Variants in OPCML observed in about 807,000 individuals in gnomAD.
The protein encoded by OPCML is opioid binding protein/cell adhesion molecule like, also known as opioid-binding protein/cell adhesion molecule.
OPCML carries 13 observed loss-of-function variants against 37.8 expected under a neutral mutation model. That is an observed-to-expected ratio of 0.34 (90% CI 0.22 to 0.55). The LOEUF is 0.55. Among genes scored for constraint, OPCML ranks in the 20% least tolerant of loss-of-function variants. The pLI, the probability that OPCML is intolerant of heterozygous loss-of-function variation, is 0.91. For synonymous variants in OPCML, 176 were observed against 168.8 expected (o/e 1.04, Z -0.33); for missense variants, 341 against 435.6 (o/e 0.78, Z 1.93).
intron 1 of OPCML, among the ~76,000 whole-genome samples, chr11:133,135,840 T>A (rs1949681219): frequency 6.6e-6 from 1 of 152,172 alleles, no homozygotes; most frequent in Non-Finnish European, 1.5e-5. Flanking sequence ...CTTTATTTTA[T>A]TTAGGAAAGG....
In OPCML at chr11:133,164,288, T is replaced by C. The variant is rs530043730; in HGVS notation, c.62-221278A>G. 6.6e-5 allele frequency among the ~76,000 whole-genome samples: 10 copies of C among 152,288 alleles called. No homozygotes were observed. The East Asian group carries it at 1.5e-3, about 23-fold the overall frequency. On this transcript the variant is annotated intron_variant, in intron 1 of 7. Coordinates refer to ENST00000524381, the MANE Select transcript of OPCML (RefSeq NM_001012393.5). ...CTTGTTTCCCAACACACCCACCCTTTCCTTATCTGTAGAATGGAAACTATG... is the reference window on the plus strand; with the variant it reads ...CTTGTTTCCCAACACACCCACCCTTCCCTTATCTGTAGAATGGAAACTATG...
At chr11:132,917,572 A>G (rs1482594629) in intron 2 of OPCML, among the ~76,000 whole-genome samples, 1 of 152,198 alleles carries the variant, frequency 6.6e-6, no homozygotes, top group Non-Finnish European at 1.5e-5. Flanking sequence ...TGGGGAAAGA[A>G]GAAAATTAAC....
intron 1 of OPCML, among the ~76,000 whole-genome samples, chr11:133,232,353 C>T (rs565584340): frequency 6.6e-6 from 1 of 152,146 alleles, no homozygotes; most frequent in East Asian, 1.9e-4. Flanking sequence ...CTGAGTTTCT[C>T]AAAGAGGTAA....
At chr11:132,723,293 T>A (rs777570339) in intron 2 of OPCML, among the ~76,000 whole-genome samples, 1 of 152,230 alleles carries the variant, frequency 6.6e-6, no homozygotes, top group Non-Finnish European at 1.5e-5. Context: ...ATATGGTGTG[T>A]TCTTGCATAA....
At chr11:132,594,318 A>C (rs954727216) in intron 3 of OPCML, among the ~76,000 whole-genome samples, 3 of 152,198 alleles carry the variant, frequency 2.0e-5, no homozygotes, top group African/African-American at 4.8e-5. Context: ...AAATAATAAC[A>C]TGCAGTCCTG....
intron 1 of OPCML, among the ~76,000 whole-genome samples, chr11:133,405,438 T>TTTTGTATG (rs571325295): frequency 5.5e-4 from 84 of 152,320 alleles, no homozygotes; most frequent in African/African-American, 1.9e-3. Context: ...ATTTGGGAGT[T>TTTTGTATG]TTTGTGATCT....
intron 1 of OPCML, among the ~76,000 whole-genome samples, chr11:133,505,599 C>T (rs1324488767): frequency 6.6e-6 from 1 of 152,222 alleles, no homozygotes; most frequent in African/African-American, 2.4e-5. Context: ...CTGGTCTCAG[C>T]CTCACATTTT....
At chr11:132,606,948 G>A (rs1056084594) in intron 3 of OPCML, among the ~76,000 whole-genome samples, 2 of 152,076 alleles carry the variant, frequency 1.3e-5, no homozygotes, top group Admixed American at 6.5e-5. Context: ...GCTTCCCAGG[G>A]GTTTCTGTCT....
At chr11:132,766,385 C>T (rs1946444169) in intron 2 of OPCML, among the ~76,000 whole-genome samples, 1 of 152,138 alleles carries the variant, frequency 6.6e-6, no homozygotes, top group Non-Finnish European at 1.5e-5. Context: ...ACTTCCTTAA[C>T]CAAGTGATCA....
At chr11:133,172,284 C>A (rs971572743) in intron 1 of OPCML, among the ~76,000 whole-genome samples, 1 of 152,108 alleles carries the variant, frequency 6.6e-6, no homozygotes, top group South Asian at 2.1e-4. Context: ...AATTCAGATG[C>A]ATTTGCCATA....
chr11:132,426,742 A>AT lies in OPCML; in HGVS notation c.917-6450dup, dbSNP rs535025765. Reference sequence around the variant, plus strand: ...CCACCACGCCTGGCCTAAACATTAGATTTTTTAGAAGAAAATTTGGTTGAA... The same window carrying AT: ...CCACCACGCCTGGCCTAAACATTAGATTTTTTTAGAAGAAAATTTGGTTGAA... On this transcript the variant is annotated intron_variant, in intron 7 of 7. Coordinates refer to ENST00000524381, the MANE Select transcript of OPCML (RefSeq NM_001012393.5). 7.9e-5 allele frequency among the ~76,000 whole-genome samples: 12 copies of AT among 152,266 alleles called. No individual in the cohort carries two copies. In the East Asian group the frequency reaches 2.1e-3, roughly 27 times the overall value.
chr11:133,455,419 A>G (rs1946654688), intron 1 of OPCML, among the ~76,000 whole-genome samples: 1 of 152,100 alleles, frequency 6.6e-6, no homozygotes, highest in Non-Finnish European at 1.5e-5. Flanking sequence ...TTCTTTTTGC[A>G]TCTAATGAAT....
At chr11:132,734,340 T>C (rs973229850) in intron 2 of OPCML, among the ~76,000 whole-genome samples, 10 of 152,138 alleles carry the variant, frequency 6.6e-5, no homozygotes, top group Admixed American at 3.9e-4. Context: ...ACTCCCACAG[T>C]AGCATCACAA....
At chr11:132,502,148 T>C (rs1426005002) in intron 4 of OPCML, among the ~76,000 whole-genome samples, 1 of 152,206 alleles carries the variant, frequency 6.6e-6, no homozygotes, top group Non-Finnish European at 1.5e-5. Flanking sequence ...CTGTCACCTT[T>C]ACCCACCACC....
chr11:132,607,190 G>T (rs972212034), intron 3 of OPCML, among the ~76,000 whole-genome samples: 6 of 152,190 alleles, frequency 3.9e-5, no homozygotes, highest in Admixed American at 1.3e-4. Context: ...TGTTGTTGTT[G>T]CTGTTACTGT....
intron 1 of OPCML, among the ~76,000 whole-genome samples, chr11:133,171,410 C>A (rs1373929209): frequency 6.6e-6 from 1 of 152,182 alleles, no homozygotes; most frequent in Non-Finnish European, 1.5e-5. Context: ...GAAGGGCAAC[C>A]GTGTGCCACA....
At chr11:133,308,778 G>T (rs185067173) in intron 1 of OPCML, among the ~76,000 whole-genome samples, 2 of 152,162 alleles carry the variant, frequency 1.3e-5, no homozygotes, top group African/African-American at 2.4e-5. Flanking sequence ...ATGGAAAAAT[G>T]TGAGTCTGTA....
intron 4 of OPCML, among the ~76,000 whole-genome samples, chr11:132,485,496 C>T (rs1011334185): frequency 6.6e-6 from 1 of 152,184 alleles, no homozygotes; most frequent in African/African-American, 2.4e-5. Context: ...TAGCATGTTT[C>T]CTTTCTCCCA....
intron 2 of OPCML, among the ~76,000 whole-genome samples, chr11:132,876,518 C>G (rs1943022569): frequency 6.6e-6 from 1 of 152,174 alleles, no homozygotes; most frequent in East Asian, 1.9e-4. Flanking sequence ...AGTCAGTGGA[C>G]AGCACCTCGA....
Sources: allele counts gnomAD v4.1 joint callset (sites outside exome capture counted in the v4.1 genomes callset), GRCh38; gene constraint gnomAD v4.1.1; transcripts MANE v1.5; gene names NCBI Gene and HGNC (gene_info 2026-07-23, HGNC 2026-07-21).